Variants in RIMS2 observed in about 807,000 individuals in gnomAD.
RIMS2 encodes the protein regulating synaptic membrane exocytosis 2, also known as regulating synaptic membrane exocytosis protein 2.
Under a neutral mutation model 174.4 loss-of-function variants are expected in RIMS2, and 59 were observed. That is an observed-to-expected ratio of 0.34 (90% CI 0.27 to 0.42). RIMS2 has a LOEUF of 0.42. Ranked by LOEUF, RIMS2 falls within the 10% of genes least tolerant of loss-of-function variation. The pLI, the probability that RIMS2 is intolerant of heterozygous loss-of-function variation, is 1.00. For missense variants in RIMS2, 1,620 were observed against 1,666.3 expected (o/e 0.97, Z 0.48); for synonymous variants, 606 against 572.5 (o/e 1.06, Z -0.84).
Position 103,876,909 on chromosome 8 carries a change from T to TATACAC in RIMS2, c.699-8388_699-8387insTACACA, listed in dbSNP as rs71297243. Among the ~76,000 whole-genome samples, 157 of 66,042 alleles carry TATACAC rather than the reference T, an allele frequency of 2.4e-3. 1 individual carries two copies. Among genetic ancestry groups the TATACAC allele is most frequent in the African/African-American group, 4.3e-3 (102 of 23,528 alleles). The allele number at this position is 66,042 out of a possible 152,430, so 43.3% of individuals were successfully genotyped here. A position where few individuals can be genotyped will look rare whatever the true frequency, so the allele number is the denominator to read the frequency against. ...ATATATATATATATATATATATATA[T>TATACAC]ACACACACACCCCCATATACATAAC... On this transcript the variant is annotated intron_variant, in intron 3 of 23. Transcript: ENST00000504942.
Position 103,615,094 on chromosome 8 carries a change from A to G in RIMS2, c.177-81992A>G, listed in dbSNP as rs976497880. Among the ~76,000 whole-genome samples, 11 of 152,318 alleles carry G rather than the reference A, an allele frequency of 7.2e-5. No homozygotes were observed. In the East Asian group the frequency reaches 1.7e-3, roughly 24 times the overall value. On this transcript the variant is annotated intron_variant, in intron 1 of 23. Transcript: ENST00000504942. The stretch of plus-strand genomic sequence containing the variant: ...TTAGCATAATAAAGATCTTTTTAAA[A>G]TGTACCCTTTACTGCTCTAAAATTG...
In RIMS2 at chr8:103,789,069, A is replaced by C. The variant is rs557553980; in HGVS notation, c.698+22532A>C. On this transcript the variant is annotated intron_variant, in intron 3 of 23. Transcript: ENST00000504942. Reference sequence around the variant, plus strand: ...TCCGTCACCCCTTTCTTTGACTCGGAAAGGGAACTCCCTGACCCATTGCGC... The same window carrying C: ...TCCGTCACCCCTTTCTTTGACTCGGCAAGGGAACTCCCTGACCCATTGCGC... 2.0e-5 allele frequency among the ~76,000 whole-genome samples: 3 copies of C among 152,270 alleles called. No individual in the cohort carries two copies. The East Asian group carries it at 5.8e-4, about 29-fold the overall frequency.
chr8:104,250,796 GA>G (rs1227584289), intron 22 of RIMS2, among the ~76,000 whole-genome samples: 1 of 152,046 alleles, frequency 6.6e-6, no homozygotes, highest in Non-Finnish European at 1.5e-5. Flanking sequence ...ACCAGTTGAT[GA>G]AAAAAATGAT....
intron 19 of RIMS2, among the ~76,000 whole-genome samples, chr8:104,174,393 G>A (rs1439213445): frequency 2.2e-5 from 3 of 138,202 alleles, no homozygotes; most frequent in Admixed American, 7.7e-5. Flanking sequence ...AAAGATTCTG[G>A]GCTTAAAAGG....
intron 19 of RIMS2, among the ~76,000 whole-genome samples, chr8:104,053,490 G>C (rs1182005107): frequency 6.6e-6 from 1 of 152,066 alleles, no homozygotes; most frequent in Non-Finnish European, 1.5e-5. Flanking sequence ...AAGGAGATTG[G>C]GAAAGTTTTA....
At chr8:104,096,726 G>A (rs1284972759) in intron 19 of RIMS2, among the ~76,000 whole-genome samples, 3 of 151,918 alleles carry the variant, frequency 2.0e-5, no homozygotes, top group African/African-American at 7.3e-5. Flanking sequence ...AAATTAGCTG[G>A]GCGTGGTGGT....
rs71575988 is a variant in RIMS2 at position 103,967,170 on chromosome 8, GTTTTTTTTTTTTTTT to G, written c.2770+6053_2770+6067del. On this transcript the variant is annotated intron_variant, in intron 15 of 23. Transcript: ENST00000504942. The stretch of plus-strand genomic sequence containing the variant: ...TTTTCTGCCTGCTTGATCTGTTCTT[GTTTTTTTTTTTTTTT>G]TTTTTTTTTTTTTTTGAGATAGAGT... 2.4e-4 allele frequency among the ~76,000 whole-genome samples: 6 copies of G among 24,952 alleles called. 1 individual carries two copies. Among genetic ancestry groups the G allele is most frequent in the South Asian group, 4.5e-3 (2 of 446 alleles). The allele number at this position is 24,952 out of a possible 152,430, so 16.4% of individuals were successfully genotyped here. A position where few individuals can be genotyped will look rare whatever the true frequency, so the allele number is the denominator to read the frequency against.
chr8:104,147,081 G>C (rs2098646401), intron 19 of RIMS2, among the ~76,000 whole-genome samples: 1 of 151,990 alleles, frequency 6.6e-6, no homozygotes, highest in Admixed American at 6.6e-5. Context: ...TTAAACTTTG[G>C]CTCTTTTAAA....
At chr8:104,111,104 G>T (rs2098173132) in intron 19 of RIMS2, among the ~76,000 whole-genome samples, 1 of 152,018 alleles carries the variant, frequency 6.6e-6, no homozygotes, top group Non-Finnish European at 1.5e-5. Flanking sequence ...CTCTAAAAAA[G>T]CTGACAGATG....
chr8:103,971,520 C>G (rs73295521), intron 15 of RIMS2, among the ~76,000 whole-genome samples: 1 of 152,062 alleles, frequency 6.6e-6, no homozygotes, highest in African/African-American at 2.4e-5. Flanking sequence ...TTCCCCTTCT[C>G]CAAGCTAGTC....
At chr8:104,182,407 A>G (rs115948606) in intron 19 of RIMS2, among the ~76,000 whole-genome samples, 87 of 151,986 alleles carry the variant, frequency 5.7e-4, no homozygotes, top group African/African-American at 2.0e-3. Context: ...CTGCATATTT[A>G]AAATGTACAA....
At chr8:103,612,313 G>T (rs1408977351) in intron 1 of RIMS2, among the ~76,000 whole-genome samples, 1 of 152,066 alleles carries the variant, frequency 6.6e-6, no homozygotes, top group Non-Finnish European at 1.5e-5. Context: ...TGTTTGGTGA[G>T]GTTATGTTTT....
intron 19 of RIMS2, among the ~76,000 whole-genome samples, chr8:104,221,015 A>G (rs968332408): frequency 6.6e-6 from 1 of 152,200 alleles, no homozygotes; most frequent in Non-Finnish European, 1.5e-5. Flanking sequence ...TTTTCTAACC[A>G]AGTAACTTAA....
chr8:104,169,437 C>T (rs2135356775), intron 19 of RIMS2, among the ~76,000 whole-genome samples: 1 of 150,852 alleles, frequency 6.6e-6, no homozygotes, highest in South Asian at 2.1e-4. Context: ...GGAATTTACC[C>T]ATCTCCTCCA....
intron 19 of RIMS2, among the ~76,000 whole-genome samples, chr8:104,077,655 C>T (rs1416739280): frequency 7.1e-6 from 1 of 140,822 alleles, no homozygotes. Context: ...TTTACACATA[C>T]ACTTACTCAT....
chr8:104,147,346 A>G (rs2098649636), intron 19 of RIMS2, among the ~76,000 whole-genome samples: 1 of 152,024 alleles, frequency 6.6e-6, no homozygotes, highest in Non-Finnish European at 1.5e-5. Context: ...AGTATACTTC[A>G]CTATATATTT....
At chr8:104,093,424 G>A (rs182603146) in intron 19 of RIMS2, 47 bp from the exon 24 acceptor site, 78 of 1,352,372 alleles carry the variant, frequency 5.8e-5, no homozygotes, top group Admixed American at 4.1e-4. Context: ...ATTGCTTTGT[G>A]TGGTAATACT....
At chr8:103,772,612 T>G (rs891613534) in intron 3 of RIMS2, among the ~76,000 whole-genome samples, 1 of 152,118 alleles carries the variant, frequency 6.6e-6, no homozygotes, top group East Asian at 1.9e-4. Context: ...TATATACAGA[T>G]AGATTCTAAA....
intron 19 of RIMS2, among the ~76,000 whole-genome samples, chr8:104,093,099 G>T (rs561089995): frequency 1.3e-5 from 2 of 151,922 alleles, no homozygotes; most frequent in South Asian, 4.2e-4. Flanking sequence ...AAGCATAATG[G>T]ATTAATTGAT....
Sources: allele counts gnomAD v4.1 joint callset (sites outside exome capture counted in the v4.1 genomes callset), GRCh38; gene constraint gnomAD v4.1.1; transcripts MANE v1.5; gene names NCBI Gene and HGNC (gene_info 2026-07-23, HGNC 2026-07-21).